The following TRAPPC9 variants were observed in gnomAD, a reference collection of about 807,000 sequenced individuals.
The protein encoded by TRAPPC9 is IKK2 binding protein.
A neutral mutation model predicts 124.0 loss-of-function variants in TRAPPC9; 83 were observed. The ratio of observed to expected loss-of-function variants is 0.67; its 90% CI spans 0.56 to 0.80. The LOEUF is 0.80. Among genes scored for constraint, TRAPPC9 ranks in the 30% least tolerant of loss-of-function variants. The pLI is 0.00. For missense variants in TRAPPC9, 1,302 were observed against 1,508.3 expected (o/e 0.86, Z 2.27); for synonymous variants, 638 against 617.5 (o/e 1.03, Z -0.49).
intron 17 of TRAPPC9, among the ~76,000 whole-genome samples, chr8:140,028,723 AAAAG>A (rs1297089620): frequency 2.8e-4 from 43 of 152,342 alleles, no homozygotes; most frequent in Middle Eastern, 6.8e-3. Flanking sequence ...CGAGTCTGGT[AAAAG>A]AAACAAGCCT....
At chr8:140,018,372 G>A (rs1345183553) in intron 18 of TRAPPC9, among the ~76,000 whole-genome samples, 1 of 125,624 alleles carries the variant, frequency 8.0e-6, no homozygotes, top group Admixed American at 1.0e-4. Flanking sequence ...CACCCAGGCT[G>A]GAGTGCAGTG....
At chr8:140,302,189 C>T (rs895751103) in intron 10 of TRAPPC9, among the ~76,000 whole-genome samples, 2 of 152,184 alleles carry the variant, frequency 1.3e-5, no homozygotes, top group Non-Finnish European at 2.9e-5. Flanking sequence ...ACATCCCAGC[C>T]CCGGGGAGCC....
intron 14 of TRAPPC9, among the ~76,000 whole-genome samples, chr8:140,277,540 T>C (rs2065163652): frequency 6.6e-6 from 1 of 152,218 alleles, no homozygotes; most frequent in African/African-American, 2.4e-5. Context: ...ACAACAGGAT[T>C]TTGAAACAAA....
intron 21 of TRAPPC9, among the ~76,000 whole-genome samples, chr8:139,883,899 C>T (rs1247726783): frequency 2.0e-5 from 3 of 152,118 alleles, no homozygotes; most frequent in Non-Finnish European, 4.4e-5. Context: ...ATGGAGAAAA[C>T]CTCACTCACG....
intron 21 of TRAPPC9, among the ~76,000 whole-genome samples, chr8:139,855,590 G>A (rs905564858): frequency 6.6e-6 from 1 of 152,240 alleles, no homozygotes; most frequent in Non-Finnish European, 1.5e-5. Flanking sequence ...TCCCTGGAAG[G>A]TGAGGGAGTG....
intron 10 of TRAPPC9, among the ~76,000 whole-genome samples, chr8:140,307,020 A>T (rs577429624): frequency 6.6e-6 from 1 of 152,174 alleles, no homozygotes; most frequent in African/African-American, 2.4e-5. Context: ...CTTTAGGGGA[A>T]CTACACACGG....
intron 19 of TRAPPC9, among the ~76,000 whole-genome samples, chr8:139,953,408 G>C (rs182864395): frequency 6.6e-6 from 1 of 152,130 alleles, no homozygotes; most frequent in Non-Finnish European, 1.5e-5. Flanking sequence ...CAAGAGAATC[G>C]CTTGAACCCA....
At chr8:140,143,763 G>C (rs370414491) in intron 17 of TRAPPC9, among the ~76,000 whole-genome samples, 1 of 152,156 alleles carries the variant, frequency 6.6e-6, no homozygotes, top group African/African-American at 2.4e-5. Context: ...AAATGTCCCA[G>C]CATCTTTTAT....
chr8:140,456,064 T>G (rs1588392155), intron 1 of TRAPPC9, among the ~76,000 whole-genome samples: 1 of 151,660 alleles, frequency 6.6e-6, no homozygotes, highest in Non-Finnish European at 1.5e-5. Flanking sequence ...CTTTCTGGGG[T>G]GATGAAAATG....
intron 17 of TRAPPC9, among the ~76,000 whole-genome samples, chr8:140,046,261 C>T (rs953414528): frequency 3.9e-5 from 6 of 152,258 alleles, no homozygotes; most frequent in Non-Finnish European, 7.3e-5. Context: ...CCCAGGTCTT[C>T]GCCGACGGCT....
chr8:139,956,020 C>G (rs1260863576), intron 19 of TRAPPC9, among the ~76,000 whole-genome samples: 1 of 152,206 alleles, frequency 6.6e-6, no homozygotes, highest in Non-Finnish European at 1.5e-5. Context: ...AGGGAGGCAG[C>G]TGGTTAGCAC....
intron 19 of TRAPPC9, among the ~76,000 whole-genome samples, chr8:139,925,118 A>G (rs910176753): frequency 6.6e-6 from 1 of 152,334 alleles, no homozygotes; most frequent in African/African-American, 2.4e-5. Context: ...GGAGTAAAAC[A>G]AAAGCAGCAG....
intron 21 of TRAPPC9, among the ~76,000 whole-genome samples, chr8:139,761,001 C>A (rs1191305243): frequency 2.6e-5 from 4 of 152,256 alleles, no homozygotes; most frequent in African/African-American, 9.6e-5. Flanking sequence ...AGTCTCTGCA[C>A]TTCCTGACTT....
chr8:140,447,476 A>AAAAAAG (rs1168525273), intron 2 of TRAPPC9, among the ~76,000 whole-genome samples: 2 of 152,172 alleles, frequency 1.3e-5, no homozygotes, highest in African/African-American at 4.8e-5. Flanking sequence ...GTATGACAGA[A>AAAAAAG]AAAAAGAAAA....
intron 19 of TRAPPC9, among the ~76,000 whole-genome samples, chr8:139,937,262 T>A (rs1587277566): frequency 6.6e-6 from 1 of 152,214 alleles, no homozygotes; most frequent in Admixed American, 6.5e-5. Context: ...CACAAAACGA[T>A]CCCAATTTGG....
chr8:140,389,495 A>G (rs889761192), intron 7 of TRAPPC9, among the ~76,000 whole-genome samples: 5 of 152,212 alleles, frequency 3.3e-5, no homozygotes, highest in Non-Finnish European at 7.3e-5. Flanking sequence ...GGCGAGTGCC[A>G]CAGGATGGAA....
intron 13 of TRAPPC9, among the ~76,000 whole-genome samples, chr8:140,284,401 T>C (rs557993903): frequency 6.6e-6 from 1 of 152,364 alleles, no homozygotes; most frequent in East Asian, 1.9e-4. Context: ...CAGGACATAA[T>C]GTGACTTAAT....
intron 14 of TRAPPC9, among the ~76,000 whole-genome samples, chr8:140,281,879 A>C (rs1255995238): frequency 6.6e-6 from 1 of 151,874 alleles, no homozygotes; most frequent in African/African-American, 2.4e-5. Context: ...CCTCCCTCCC[A>C]TCGAGCCTGT....
At chr8:140,030,491 C>T (rs979619587) in intron 17 of TRAPPC9, among the ~76,000 whole-genome samples, 16 of 152,120 alleles carry the variant, frequency 1.1e-4, no homozygotes, top group Admixed American at 6.5e-5. Flanking sequence ...TAACATATTA[C>T]TCAGCAAAGC....
Sources: allele counts gnomAD v4.1 joint callset (sites outside exome capture counted in the v4.1 genomes callset), GRCh38; gene constraint gnomAD v4.1.1; transcripts MANE v1.5; gene names NCBI Gene and HGNC (gene_info 2026-07-23, HGNC 2026-07-21).